Variants in RELT observed in about 807,000 individuals in gnomAD.
The protein encoded by RELT is tumor necrosis factor receptor superfamily member 19L.
In RELT, 37 loss-of-function variants were observed where a neutral mutation model predicts 51.1. That is an observed-to-expected ratio of 0.72 (90% confidence interval 0.56 to 0.95). The LOEUF is 0.95. RELT is among the 40% of genes least tolerant of loss of function. The pLI is 0.00. For synonymous variants in RELT, 241 were observed against 235.7 expected, an observed-to-expected ratio of 1.02 and a Z score of -0.21; for missense variants, 535 against 572.6, an observed-to-expected ratio of 0.93 and a Z score of 0.67.
intron 1 of RELT, among the ~76,000 whole-genome samples, chr11:73,387,783 G>A (rs1343992313): frequency 6.6e-6 from 1 of 151,336 alleles, no homozygotes; most frequent in Non-Finnish European, 1.5e-5. Flanking sequence ...GCAGGGAGAG[G>A]ACTCTGAGTG....
chr11:73,386,486 C>T (rs764406960), intron 1 of RELT, among the ~76,000 whole-genome samples: 2 of 152,152 alleles, frequency 1.3e-5, no homozygotes, highest in South Asian at 2.1e-4. Flanking sequence ...CATGTGTGTG[C>T]ACCAGGCCTT....
At position 73,394,554 on chromosome 11, in the gene RELT, C is replaced by G. The variant is rs371610657; in HGVS notation, c.866C>G (p.Ser289Trp). 31 of 1,612,016 alleles carry G rather than the reference C, an allele frequency of 1.9e-5. No homozygotes were observed. The highest frequency in any genetic ancestry group is 2.4e-5 in the Non-Finnish European group (28 of 1,179,978). The change falls in exon 9 of 11, where the codon TCG becomes TGG. Residue 289 changes from serine to tryptophan, a missense_variant. By Grantham distance (177) the Ser-to-Trp change is radical. Transcript: ENST00000064780. This position sits in a 1 kb window ranked among gnomAD's most constrained non-coding sequence, Gnocchi z 4.9. Reference sequence around the variant, plus strand: ...CTCCACACCGTGCAGGGCCTGGCCTCGCTCTCTGGCCCCTGCTGCTCCCGC... The same window carrying G: ...CTCCACACCGTGCAGGGCCTGGCCTGGCTCTCTGGCCCCTGCTGCTCCCGC... ...HHLHTVQGLASLSGPCCSRCS... is the reference protein window; with the variant it reads ...HHLHTVQGLAWLSGPCCSRCS...
At chr11:73,395,314 G>C in intron 10 of RELT, 29 bp downstream of exon 10, 3 of 1,610,690 alleles carry the variant, frequency 1.9e-6, no homozygotes, top group Non-Finnish European at 2.5e-6. Context: ...GGCATCTGTT[G>C]GCACCTGGGC....
rs1446909739 is a variant in RELT at position 73,396,708 on chromosome 11, AGCCCT to A, written c.*1224_*1228del. On this transcript the variant is annotated 3_prime_UTR_variant, in exon 11 of 11. Transcript: ENST00000064780. ...CCGCCTGTTCCACTTGTACCTGTCC[AGCCCT>A]GCCCTGTGTTGGGCACCGTGACAGG... The A allele has an allele frequency of 6.6e-6, 1 of 152,290 alleles. No homozygotes were observed. Among genetic ancestry groups the A allele is most frequent in the Non-Finnish European group, 1.5e-5 (1 of 68,090 alleles). 9.4% of individuals were successfully genotyped at this position (152,290 alleles called of 1,614,324 possible).
chr11:73,378,771 C>A (rs2134436107), intron 1 of RELT, among the ~76,000 whole-genome samples: 1 of 152,356 alleles, frequency 6.6e-6, no homozygotes, highest in East Asian at 1.9e-4. Flanking sequence ...AACCAGACAT[C>A]ACCAGAAAGT....
intron 1 of RELT, among the ~76,000 whole-genome samples, chr11:73,383,236 G>A (rs1245626064): frequency 6.6e-6 from 1 of 152,186 alleles, no homozygotes; most frequent in Admixed American, 6.5e-5. Context: ...TCACTGAGTG[G>A]CCCTGAGCCA....
At chr11:73,379,798 C>T (rs1475133091) in intron 1 of RELT, among the ~76,000 whole-genome samples, 2 of 152,222 alleles carry the variant, frequency 1.3e-5, no homozygotes, top group Non-Finnish European at 2.9e-5. Flanking sequence ...CCGCACACTG[C>T]CAGAGTGACC....
chr11:73,377,156 G>C (rs1865980894), intron 1 of RELT, among the ~76,000 whole-genome samples: 1 of 152,194 alleles, frequency 6.6e-6, no homozygotes, highest in South Asian at 2.1e-4. Flanking sequence ...GACCGGCGCA[G>C]GGCCAGGGCC....
At chr11:73,392,670 C>A in intron 6 of RELT, 1 of 1,428,756 alleles carries the variant, frequency 7.0e-7, no homozygotes, top group Non-Finnish European at 9.2e-7. Context: ...AGAGGTGGCA[C>A]AGCTGGTCAA....
intron 6 of RELT, chr11:73,392,895 G>A: frequency 9.6e-7 from 1 of 1,041,888 alleles, no homozygotes; most frequent in Non-Finnish European, 1.2e-6. Context: ...CACCATAAGG[G>A]GCTCGGGTTT....
Position 73,381,315 on chromosome 11 carries a change from T to G in RELT, c.-26+4816T>G, listed in dbSNP as rs534264906. Among the ~76,000 whole-genome samples the G allele has an allele frequency of 1.9e-4, 28 of 150,100 alleles. 1 individual carries two copies. The highest frequency in any genetic ancestry group is 1.6e-3 in the Admixed American group (24 of 15,142). On this transcript the variant is annotated intron_variant, in intron 1 of 10. Coordinates refer to ENST00000064780, the MANE Select transcript of RELT (RefSeq NM_152222.2). ...CTGAGTGTGCAGGTAGAGAGAGGAG[T>G]GGGGGCTTCCAGAGGGGGGACCTGC...
chr11:73,389,963 C>G (rs1866184206), intron 2 of RELT, among the ~76,000 whole-genome samples: 1 of 152,192 alleles, frequency 6.6e-6, no homozygotes, highest in Non-Finnish European at 1.5e-5. Flanking sequence ...GGGACACACA[C>G]TGAGAAGATG....
chr11:73,393,218 G>A (rs928502310), intron 6 of RELT: 26 of 1,000,902 alleles, frequency 2.6e-5, no homozygotes, highest in Non-Finnish European at 3.0e-5. Flanking sequence ...AAGCCGGCAG[G>A]AGGAAACGTG....
chr11:73,382,351 C>T (rs1472000764), intron 1 of RELT, among the ~76,000 whole-genome samples: 2 of 152,254 alleles, frequency 1.3e-5, no homozygotes, highest in Non-Finnish European at 2.9e-5. Flanking sequence ...TGATTGGGGG[C>T]AGGGCCCATG....
At position 73,391,125 on chromosome 11, in the gene RELT, G is replaced by T. The variant is rs765868693; in HGVS notation, c.288-19G>T. 7 of 1,611,076 alleles carry T rather than the reference G, an allele frequency of 4.3e-6. No individual in the cohort carries two copies. Among genetic ancestry groups the T allele is most frequent in the Admixed American group, 1.7e-5 (1 of 59,686 alleles). ...TTGGGGAAACTTCTGGGCCTCAGTG[G>T]TATCTTCCCTCCTCGCAGGTGGTTT... is the stretch of plus-strand genomic sequence containing the variant. On this transcript the variant is annotated intron_variant, in intron 4 of 10. Transcript: ENST00000064780.
rs772202294 is a variant in RELT, at chr11:73,393,693, A to G, written c.626-144A>G. On this transcript the variant is annotated intron_variant, in intron 6 of 10. Transcript: ENST00000064780. Reference sequence around the variant, plus strand: ...CTCTGAGCCTGGATCCCACATTTGCAGGGCTCTGGGAGGCTTGTCACCTAA... The same window carrying G: ...CTCTGAGCCTGGATCCCACATTTGCGGGGCTCTGGGAGGCTTGTCACCTAA... 4.4e-4 allele frequency: 701 copies of G among 1,586,920 alleles called. 5 individuals carry two copies. The highest frequency in any genetic ancestry group is 3.3e-4 in the Middle Eastern group (2 of 6,046).
intron 2 of RELT, 48 bp from the exon 3 acceptor site, chr11:73,390,503 C>T (rs781701637): frequency 5.8e-6 from 9 of 1,559,506 alleles, no homozygotes; most frequent in African/African-American, 4.1e-5. Context: ...CCCCAGAGAC[C>T]CCACACCCAG....
intron 2 of RELT, among the ~76,000 whole-genome samples, chr11:73,389,533 A>G (rs1355848360): frequency 6.6e-6 from 1 of 152,230 alleles, no homozygotes; most frequent in Non-Finnish European, 1.5e-5. Flanking sequence ...CCTGAGAGCC[A>G]TAGCACCTCA....
At chr11:73,384,919 G>A (rs1866100976) in intron 1 of RELT, among the ~76,000 whole-genome samples, 1 of 152,170 alleles carries the variant, frequency 6.6e-6, no homozygotes, top group African/African-American at 2.4e-5. Context: ...GAGCTCTAAG[G>A]AAGAGTGGGT....
Sources: gnomAD v4.1 joint callset for allele counts (sites outside exome capture counted in the v4.1 genomes callset) on GRCh38, gnomAD v4.1.1 for gene constraint, Gnocchi (gnomAD v3.1) non-coding constraint, MANE v1.5 for transcripts, NCBI Gene and HGNC (gene_info 2026-07-23, HGNC 2026-07-21) for gene names.